PCDHGA2: variants seen among roughly 807,000 people sequenced by gnomAD.
PCDHGA2 encodes the protein protocadherin gamma-A2.
PCDHGA2 carries 40 observed loss-of-function variants against 59.2 expected under a neutral mutation model. The ratio of observed to expected loss-of-function variants is 0.68; its 90% CI spans 0.52 to 0.88. The LOEUF (loss-of-function observed/expected upper bound fraction) is 0.88. PCDHGA2 is among the 40% of genes least tolerant of loss of function. The pLI, the probability that PCDHGA2 is intolerant of heterozygous loss-of-function variation, is 0.00. For missense variants in PCDHGA2, 1,226 were observed against 1,204.0 expected (o/e 1.02, Z -0.27); for synonymous variants, 560 against 526.0 (o/e 1.06, Z -0.89).
intron 3 of PCDHGA2, among the ~76,000 whole-genome samples, chr5:141,510,054 G>A (rs1166696269): frequency 1.3e-5 from 2 of 152,180 alleles, no homozygotes; most frequent in Non-Finnish European, 2.9e-5. Context: ...AAAAGTGATT[G>A]TGCATGTGAA....
intron 1 of PCDHGA2, chr5:141,417,831 C>T: frequency 5.2e-6 from 8 of 1,526,966 alleles, no homozygotes; most frequent in Non-Finnish European, 7.1e-6. Flanking sequence ...ACTGGAAAAG[C>T]GGGGACCCAG....
intron 1 of PCDHGA2, chr5:141,395,493 A>T: frequency 2.0e-6 from 1 of 490,474 alleles, no homozygotes; most frequent in Non-Finnish European, 3.5e-6. Context: ...ATTATCACTC[A>T]TTCACTTAAG....
At chr5:141,361,675 G>C (rs1247091931) in intron 1 of PCDHGA2, 2 of 1,613,636 alleles carry the variant, frequency 1.2e-6, no homozygotes, top group Middle Eastern at 1.6e-4. Flanking sequence ...GAGCGGGGTG[G>C]TGTTCGCGCA....
rs946798767 is a variant in PCDHGA2 at position 141,438,591 on chromosome 5, C to CATATAT, written c.2425-56176_2425-56171dup. Among the ~76,000 whole-genome samples the CATATAT allele has an allele frequency of 1.5e-3, 111 of 75,470 alleles. 1 individual carries two copies. Among genetic ancestry groups the CATATAT allele is most frequent in the Non-Finnish European group, 2.3e-3 (84 of 37,244 alleles). 49.5% of individuals were successfully genotyped at this position (75,470 alleles called of 152,430 possible). A position where few individuals can be genotyped will look rare whatever the true frequency, so the allele number is the denominator to read the frequency against. ...TCTGATATACATACATACATACATA[C>CATATAT]ATATATATATATATATATATATATA... On this transcript the variant is annotated intron_variant, in intron 1 of 3. Transcript: ENST00000394576.
chr5:141,403,796 T>C (rs1028690414), intron 1 of PCDHGA2: 3 of 1,613,866 alleles, frequency 1.9e-6, no homozygotes, highest in Non-Finnish European at 1.7e-6. Flanking sequence ...ATACAAATTC[T>C]GGAAAATTAA....
intron 3 of PCDHGA2, among the ~76,000 whole-genome samples, chr5:141,509,022 C>G (rs2099873807): frequency 6.6e-6 from 1 of 152,206 alleles, no homozygotes; most frequent in East Asian, 1.9e-4. Context: ...CAGCTGCTCC[C>G]TCCCACTCAA....
chr5:141,505,246 G>GAAGT, intron 2 of PCDHGA2, 147 bp from the exon 3 acceptor site: 3 of 1,436,674 alleles, frequency 2.1e-6, no homozygotes, highest in Non-Finnish European at 2.8e-6. Context: ...AAGGATTGTA[G>GAAGT]AAGTGCCTCC....
intron 1 of PCDHGA2, among the ~76,000 whole-genome samples, chr5:141,406,188 T>C (rs1313997032): frequency 6.6e-6 from 1 of 151,612 alleles, no homozygotes; most frequent in African/African-American, 2.4e-5. Flanking sequence ...TCCTCCCACC[T>C]CAGCCTTCAC....
rs894528472 is a variant in PCDHGA2 at position 141,489,718 on chromosome 5, C to A, written c.2425-5089C>A. 6.2e-7 allele frequency: 1 copy of A among 1,614,038 alleles called. No individual in the cohort carries two copies. Among genetic ancestry groups the A allele is most frequent in the African/African-American group, 1.3e-5 (1 of 74,934 alleles). ...ATTCCCACTGGACAGTGCCCAGGATCCGGATGTGGGCACCAATACTGTGAG... is the reference window on the plus strand; with the variant it reads ...ATTCCCACTGGACAGTGCCCAGGATACGGATGTGGGCACCAATACTGTGAG... On this transcript the variant is annotated intron_variant, in intron 1 of 3. Coordinates refer to ENST00000394576, the MANE Select transcript of PCDHGA2 (RefSeq NM_018915.4). This position sits in a 1 kb window ranked among gnomAD's most constrained non-coding sequence, Gnocchi z 4.5.
At chr5:141,492,241 C>G (rs1351937353) in intron 1 of PCDHGA2, among the ~76,000 whole-genome samples, 2 of 152,186 alleles carry the variant, frequency 1.3e-5, no homozygotes, top group East Asian at 3.9e-4. Context: ...TGCTGGCCAC[C>G]CCCACGGCCC....
At chr5:141,480,298 C>G (rs1238380283) in intron 1 of PCDHGA2, among the ~76,000 whole-genome samples, 1 of 132,676 alleles carries the variant, frequency 7.5e-6, no homozygotes, top group Non-Finnish European at 1.6e-5. Flanking sequence ...ACCTGTGGTA[C>G]CAGCTACTTG....
chr5:141,506,832 C>T (rs1398190563), intron 3 of PCDHGA2, among the ~76,000 whole-genome samples: 1 of 152,130 alleles, frequency 6.6e-6, no homozygotes, highest in African/African-American at 2.4e-5. Flanking sequence ...GAACTGATAG[C>T]CCTGCCCTCC....
intron 1 of PCDHGA2, chr5:141,418,035 T>C: frequency 6.2e-7 from 1 of 1,614,000 alleles, no homozygotes; most frequent in Non-Finnish European, 8.5e-7. Context: ...CTTAGTGTCC[T>C]GGATGTGTCG....
intron 1 of PCDHGA2, chr5:141,429,169 T>TACAC (rs10667977): frequency 0.077 from 11,199 of 145,388 alleles, 458 homozygotes; most frequent in African/African-American, 0.081. Flanking sequence ...ACATTGTTTA[T>TACAC]ACACACACAC....
chr5:141,413,639 G>A (rs893578830), intron 1 of PCDHGA2: 2 of 1,613,854 alleles, frequency 1.2e-6, no homozygotes, highest in Non-Finnish European at 1.7e-6. Context: ...GCGGGAATGC[G>A]TTTTCCTCTC....
At chr5:141,507,171 C>T (rs183042063) in intron 3 of PCDHGA2, 3 of 152,462 alleles carry the variant, frequency 2.0e-5, no homozygotes, top group South Asian at 2.1e-4. Context: ...AGGCTGTCCT[C>T]TTCCTCGAGC....
Position 141,340,651 on chromosome 5 carries a change from C to A in PCDHGA2, c.1680C>A (p.Pro560=). 1 of 1,614,220 alleles carries A rather than the reference C, an allele frequency of 6.2e-7. No individual in the cohort carries two copies. The highest frequency in any genetic ancestry group is 8.5e-7 in the Non-Finnish European group (1 of 1,180,044). Residue 560 remains proline (P), a synonymous_variant, in exon 1 of 4, where the codon CCC becomes CCA. Transcript: ENST00000394576. ...LFVLDQNDNA[P]EILYPAFPTD... ...TGCTGGACCAGAACGACAACGCGCCCGAGATCCTGTACCCTGCCTTCCCCA... is the reference window on the plus strand; with the variant it reads ...TGCTGGACCAGAACGACAACGCGCCAGAGATCCTGTACCCTGCCTTCCCCA...
rs61612330 is a variant in PCDHGA2 at position 141,454,796 on chromosome 5, A to ATTTTTTTTTT, written c.2425-39991_2425-39982dup. Among the ~76,000 whole-genome samples, 264 of 77,454 alleles carry ATTTTTTTTTT rather than the reference A, an allele frequency of 3.4e-3. 39 individuals carry two copies. Among genetic ancestry groups the ATTTTTTTTTT allele is most frequent in the African/African-American group, 0.012 (196 of 16,878 alleles). 50.8% of individuals were successfully genotyped at this position (77,454 alleles called of 152,430 possible). A position where few individuals can be genotyped will look rare whatever the true frequency, so the allele number is the denominator to read the frequency against. ...AAGGAAATAATCCTCCATGGTTCTA[A>ATTTTTTTTTT]TTTTTTTTTTTTTTTTTTTTTTTTT... On this transcript the variant is annotated intron_variant, in intron 1 of 3. Transcript: ENST00000394576.
chr5:141,415,112 T>G, intron 1 of PCDHGA2: 1 of 1,613,626 alleles, frequency 6.2e-7, no homozygotes, highest in Non-Finnish European at 8.5e-7. Flanking sequence ...AAGCAAAGCC[T>G]CGTAGTGGCC....
Sources: gnomAD v4.1 joint callset for allele counts (sites outside exome capture counted in the v4.1 genomes callset) on GRCh38, gnomAD v4.1.1 for gene constraint, Gnocchi (gnomAD v3.1) non-coding constraint, MANE v1.5 for transcripts, NCBI Gene and HGNC (gene_info 2026-07-23, HGNC 2026-07-21) for gene names.